TASP1: variants seen among roughly 807,000 people sequenced by gnomAD.
TASP1 encodes threonine aspartase 1.
Under a neutral mutation model 56.6 loss-of-function variants are expected in TASP1, and 16 were observed. The observed-to-expected ratio is 0.28, with a 90% confidence interval of 0.19 to 0.43. TASP1 has a LOEUF of 0.43. TASP1 is among the 20% of genes least tolerant of loss of function. The pLI, the probability that TASP1 is intolerant of heterozygous loss-of-function variation, is 1.00. For missense variants in TASP1, 393 were observed against 511.6 expected (o/e 0.77, Z 2.24); for synonymous variants, 179 against 184.2 (o/e 0.97, Z 0.23).
the TASP1 span, among the ~76,000 whole-genome samples, chr20:13,207,457 T>C: frequency 7.2e-5 from 11 of 152,096 alleles, no homozygotes; most frequent in African/African-American, 2.7e-4. Context: ...GACACAGACA[T>C]AGATGTGAAA....
chr20:13,507,359 C>T (rs1265353145), intron 10 of TASP1, among the ~76,000 whole-genome samples: 1 of 151,978 alleles, frequency 6.6e-6, no homozygotes, highest in African/African-American at 2.4e-5. Context: ...TAGCCAAGAC[C>T]TCATCTTTAC....
At chr20:13,193,427 C>A in the TASP1 span, among the ~76,000 whole-genome samples, 2 of 151,814 alleles carry the variant, frequency 1.3e-5, no homozygotes, top group African/African-American at 4.8e-5. Context: ...ATCTCTTTTA[C>A]AGAAAAAAAA....
the TASP1 span, among the ~76,000 whole-genome samples, chr20:13,109,581 T>G: frequency 6.6e-6 from 1 of 152,196 alleles, no homozygotes; most frequent in Non-Finnish European, 1.5e-5. Context: ...TGTTCAGAGA[T>G]CCCCAAATAT....
chr20:13,199,585 C>A, the TASP1 span, among the ~76,000 whole-genome samples: 1 of 152,190 alleles, frequency 6.6e-6, no homozygotes, highest in Admixed American at 6.5e-5. Flanking sequence ...TTTCATCCTG[C>A]GGTACAAGAG....
At chr20:13,499,237 C>G (rs748268902) in intron 10 of TASP1, among the ~76,000 whole-genome samples, 15 of 152,036 alleles carry the variant, frequency 9.9e-5, no homozygotes, top group Non-Finnish European at 1.5e-4. Context: ...CATGTTCACA[C>G]CTATAAATGG....
the TASP1 span, among the ~76,000 whole-genome samples, chr20:13,201,742 T>C: frequency 6.6e-6 from 1 of 151,698 alleles, no homozygotes; most frequent in African/African-American, 2.4e-5. Context: ...TTGTGGGCTC[T>C]GAGATGGTAA....
intron 11 of TASP1, among the ~76,000 whole-genome samples, chr20:13,444,369 T>A (rs2043325006): frequency 6.6e-6 from 1 of 152,208 alleles, no homozygotes; most frequent in African/African-American, 2.4e-5. Context: ...TTTTTTCTTT[T>A]TAATTCCTAT....
the TASP1 span, among the ~76,000 whole-genome samples, chr20:13,127,755 A>G: frequency 6.6e-6 from 1 of 152,172 alleles, no homozygotes; most frequent in East Asian, 1.9e-4. Context: ...TTTTCACTAA[A>G]GCAGGGTAAA....
chr20:13,189,615 TA>T, the TASP1 span, among the ~76,000 whole-genome samples: 2 of 152,088 alleles, frequency 1.3e-5, no homozygotes, highest in Non-Finnish European at 2.9e-5. Flanking sequence ...TACCATTTCA[TA>T]CCAATCAGAA....
In TASP1 at chr20:13,390,210, A is replaced by G; in HGVS notation, c.*150T>C. The G allele has an allele frequency of 1.5e-6, 1 of 674,016 alleles. No homozygotes were observed. Among genetic ancestry groups the G allele is most frequent in the Non-Finnish European group, 2.5e-6 (1 of 399,052 alleles). The allele number at this position is 674,016 out of a possible 1,614,324, so 41.8% of individuals were successfully genotyped here. On this transcript the variant is annotated 3_prime_UTR_variant, in exon 14 of 14. Coordinates refer to ENST00000337743, the MANE Select transcript of TASP1 (RefSeq NM_017714.3). ...AAAGGCCCGCGTGTCACTAAGCGCT[A>G]ACTACAGCAGCACTTGTGTCTCGAG...
intron 12 of TASP1, among the ~76,000 whole-genome samples, chr20:13,423,950 G>A (rs1180459889): frequency 6.6e-6 from 1 of 152,094 alleles, no homozygotes; most frequent in Non-Finnish European, 1.5e-5. Context: ...TTTGTTTCTT[G>A]TCTCATGATT....
chr20:13,423,934 G>A (rs541745433), intron 12 of TASP1, among the ~76,000 whole-genome samples: 36 of 152,038 alleles, frequency 2.4e-4, no homozygotes, highest in Non-Finnish European at 4.9e-4. Flanking sequence ...AGTCTAAAAC[G>A]TCCAATTTGT....
chr20:13,566,228 G>C (rs1440079931), intron 7 of TASP1, among the ~76,000 whole-genome samples: 2 of 151,946 alleles, frequency 1.3e-5, no homozygotes, highest in African/African-American at 4.8e-5. Context: ...AGATGAAGAG[G>C]GTTCTATAGT....
chr20:13,220,741 C>T, the TASP1 span, among the ~76,000 whole-genome samples: 22 of 152,370 alleles, frequency 1.4e-4, no homozygotes, highest in South Asian at 2.3e-3. Flanking sequence ...CGGAACGACA[C>T]TTTGGCACTC....
chr20:13,487,503 C>A lies in TASP1; in HGVS notation c.875-4166G>T, dbSNP rs140611679. Among the ~76,000 whole-genome samples, 17 of 152,290 alleles carry A rather than the reference C, an allele frequency of 1.1e-4. No homozygotes were observed. The East Asian group carries it at 1.9e-3, about 17-fold the overall frequency. On this transcript the variant is annotated intron_variant, in intron 10 of 13. Transcript: ENST00000337743. ...ACGGCCCTAGGAGTGCCAGTCTCTA[C>A]GGCCAGGTCATCTCACATTAATCCT...
At chr20:13,473,047 T>C (rs183650506) in intron 11 of TASP1, among the ~76,000 whole-genome samples, 8,302 of 151,052 alleles carry the variant, frequency 0.055, 326 homozygotes, top group African/African-American at 0.11. Context: ...CATACGTTTA[T>C]TTCAGAACTA....
At chr20:13,113,264 G>T in the TASP1 span, among the ~76,000 whole-genome samples, 16 of 152,128 alleles carry the variant, frequency 1.1e-4, no homozygotes, top group Non-Finnish European at 1.5e-5. Context: ...GTTCACAAAT[G>T]CACTCCTACT....
chr20:13,441,282 A>G (rs1231361397), intron 11 of TASP1, among the ~76,000 whole-genome samples: 1 of 152,182 alleles, frequency 6.6e-6, no homozygotes, highest in East Asian at 1.9e-4. Flanking sequence ...ACTAAGTGCC[A>G]GGACTCTTCC....
intron 10 of TASP1, among the ~76,000 whole-genome samples, chr20:13,520,906 T>A (rs1392774979): frequency 2.6e-5 from 4 of 151,886 alleles, no homozygotes; most frequent in Admixed American, 1.3e-4. Context: ...GAATCTACAA[T>A]GAACTCCAAC....
Sources: gnomAD v4.1 joint callset for allele counts (sites outside exome capture counted in the v4.1 genomes callset) on GRCh38, gnomAD v4.1.1 for gene constraint, MANE v1.5 for transcripts, NCBI Gene and HGNC (gene_info 2026-07-23, HGNC 2026-07-21) for gene names.